Variants in SUGCT observed in about 807,000 individuals in gnomAD.
SUGCT encodes the protein succinyl-CoA:glutarate CoA-transferase.
Under a neutral mutation model 55.0 loss-of-function variants are expected in SUGCT, and 41 were observed. The observed-to-expected ratio is 0.74, with a 90% CI of 0.58 to 0.97. The LOEUF (loss-of-function observed/expected upper bound fraction) is 0.97, where lower values mean the gene tolerates loss of function less well. SUGCT is among the 50% of genes least tolerant of loss of function. SUGCT has a pLI of 0.00. For synonymous variants in SUGCT, 187 were observed against 200.4 expected (o/e 0.93, Z 0.56); for missense variants, 568 against 547.8 (o/e 1.04, Z -0.37).
the SUGCT span, among the ~76,000 whole-genome samples, chr7:40,898,435 C>T: frequency 8.3e-6 from 1 of 120,128 alleles, no homozygotes; most frequent in Middle Eastern, 7.7e-3. Flanking sequence ...TAACACTCGG[C>T]AGGGCATTGG....
intron 13 of SUGCT, among the ~76,000 whole-genome samples, chr7:40,781,755 T>C (rs189749366): frequency 3.3e-5 from 5 of 152,296 alleles, no homozygotes; most frequent in African/African-American, 1.2e-4. Flanking sequence ...ATCACTGAAT[T>C]AGCAGACTCT....
chr7:41,033,638 C>A, the SUGCT span, among the ~76,000 whole-genome samples: 1 of 152,072 alleles, frequency 6.6e-6, no homozygotes, highest in Non-Finnish European at 1.5e-5. Context: ...TGTGCACATG[C>A]AGGAATTTCC....
chr7:40,664,065 A>G (rs1410002414), intron 12 of SUGCT, among the ~76,000 whole-genome samples: 1 of 152,174 alleles, frequency 6.6e-6, no homozygotes, highest in Non-Finnish European at 1.5e-5. Context: ...TCTACAAGCC[A>G]AGTAGAGAGG....
the SUGCT span, among the ~76,000 whole-genome samples, chr7:40,964,200 AAT>A: frequency 6.6e-6 from 1 of 152,186 alleles, no homozygotes; most frequent in Admixed American, 6.5e-5. Flanking sequence ...GCTATGCTTG[AAT>A]AAACTTGGAT....
chr7:40,359,764 T>G (rs1798059427), intron 9 of SUGCT, among the ~76,000 whole-genome samples: 1 of 152,130 alleles, frequency 6.6e-6, no homozygotes, highest in Admixed American at 6.6e-5. Flanking sequence ...TTGTGGAGAT[T>G]AAATGAGACA....
intron 8 of SUGCT, among the ~76,000 whole-genome samples, chr7:40,295,840 C>G (rs1030948696): frequency 6.6e-6 from 1 of 152,112 alleles, no homozygotes; most frequent in Non-Finnish European, 1.5e-5. Flanking sequence ...TCCTTACACC[C>G]CCTTATCTCT....
At chr7:40,941,262 T>A in the SUGCT span, among the ~76,000 whole-genome samples, 2 of 151,996 alleles carry the variant, frequency 1.3e-5, no homozygotes, top group African/African-American at 2.4e-5. Context: ...ATCCCAGAGG[T>A]TTTGATAACT....
chr7:40,376,539 G>A (rs530966389), intron 9 of SUGCT, among the ~76,000 whole-genome samples: 125 of 151,876 alleles, frequency 8.2e-4, no homozygotes, highest in African/African-American at 2.9e-3. Flanking sequence ...CTACAGGTGT[G>A]CACCACCATG....
intron 9 of SUGCT, among the ~76,000 whole-genome samples, chr7:40,363,475 C>G (rs1652532524): frequency 6.6e-6 from 1 of 152,196 alleles, no homozygotes; most frequent in African/African-American, 2.4e-5. Context: ...CCTCTACACA[C>G]TGCTTTGAAT....
At chr7:40,691,184 C>T (rs903525978) in intron 12 of SUGCT, among the ~76,000 whole-genome samples, 1 of 152,172 alleles carries the variant, frequency 6.6e-6, no homozygotes, top group African/African-American at 2.4e-5. Context: ...TGACCTGGCC[C>T]TCTACTTGAA....
At chr7:40,149,617 T>C (rs1788443740) in intron 1 of SUGCT, among the ~76,000 whole-genome samples, 1 of 152,140 alleles carries the variant, frequency 6.6e-6, no homozygotes, top group African/African-American at 2.4e-5. Context: ...ACCCTGTCTC[T>C]ATTAAAAATA....
At chr7:40,907,692 C>CTTA in the SUGCT span, among the ~76,000 whole-genome samples, 38 of 152,164 alleles carry the variant, frequency 2.5e-4, no homozygotes, top group East Asian at 6.2e-3. Context: ...ATTTGTTTAA[C>CTTA]ATCACAGCCT....
intron 9 of SUGCT, among the ~76,000 whole-genome samples, chr7:40,395,118 G>A (rs1477219903): frequency 6.6e-6 from 1 of 152,158 alleles, no homozygotes; most frequent in Non-Finnish European, 1.5e-5. Context: ...ACAGGGTGCA[G>A]TTTGCTCTGG....
chr7:40,176,694 C>A (rs1341421570), intron 1 of SUGCT, among the ~76,000 whole-genome samples: 1 of 151,474 alleles, frequency 6.6e-6, no homozygotes, highest in Non-Finnish European at 1.5e-5. Flanking sequence ...AATTTCAGGC[C>A]AGGCACGGTG....
At chr7:40,750,943 G>A (rs1584384114) in intron 13 of SUGCT, among the ~76,000 whole-genome samples, 1 of 152,102 alleles carries the variant, frequency 6.6e-6, no homozygotes, top group Admixed American at 6.6e-5. Context: ...AAATAAACCA[G>A]ACAACTTCAC....
intron 13 of SUGCT, among the ~76,000 whole-genome samples, chr7:40,776,528 G>A (rs572742903): frequency 6.6e-6 from 1 of 152,266 alleles, no homozygotes; most frequent in African/African-American, 2.4e-5. Flanking sequence ...TCTTCTGGAA[G>A]TTCCATAGTT....
At chr7:40,366,887 C>G (rs189211094) in intron 9 of SUGCT, among the ~76,000 whole-genome samples, 87 of 152,210 alleles carry the variant, frequency 5.7e-4, no homozygotes, top group African/African-American at 1.5e-3. Context: ...ACTAGAAATA[C>G]CATTTGACCC....
At chr7:40,750,658 A>G (rs6970061) in intron 13 of SUGCT, among the ~76,000 whole-genome samples, 59,240 of 152,094 alleles carry the variant, frequency 0.39, 13,094 homozygotes, top group South Asian at 0.57. Flanking sequence ...AAGAGTAAGA[A>G]GAGGGAAGTA....
the SUGCT span, among the ~76,000 whole-genome samples, chr7:40,874,260 C>A: frequency 6.6e-6 from 1 of 152,144 alleles, no homozygotes; most frequent in East Asian, 1.9e-4. Flanking sequence ...CAAAGCTATA[C>A]CTTGTGAAGA....
Sources: gnomAD v4.1 joint callset for allele counts (sites outside exome capture counted in the v4.1 genomes callset) on GRCh38, gnomAD v4.1.1 for gene constraint, MANE v1.5 for transcripts, NCBI Gene and HGNC (gene_info 2026-07-23, HGNC 2026-07-21) for gene names.